Variants in AKAP13 observed in about 807,000 individuals in gnomAD.
The protein encoded by AKAP13 is A-kinase anchoring protein 13, also known as A-kinase anchor protein 13.
In AKAP13, 80 loss-of-function variants were observed where a neutral mutation model predicts 264.5. That is an observed-to-expected ratio of 0.30 (90% confidence interval 0.25 to 0.36). The LOEUF is 0.36. Ranked by LOEUF, AKAP13 falls within the 10% of genes least tolerant of loss-of-function variation. The probability of loss-of-function intolerance (pLI) is 1.00; values close to 1 mark genes in which losing one functional copy is unlikely to be tolerated. For synonymous variants in AKAP13, 1,380 were observed against 1,250.2 expected (o/e 1.10, Z -2.19); for missense variants, 3,712 against 3,435.2 (o/e 1.08, Z -2.01).
intron 14 of AKAP13, among the ~76,000 whole-genome samples, chr15:85,672,464 G>A (rs1361435251): frequency 6.6e-6 from 1 of 152,184 alleles, no homozygotes. Context: ...TATGCCTTAA[G>A]CATCGGGATA....
At chr15:85,620,320 C>T (rs1036418164) in intron 8 of AKAP13, 1 of 714,516 alleles carries the variant, frequency 1.4e-6, no homozygotes, top group Non-Finnish European at 2.3e-6. Flanking sequence ...ATGTAAGCCT[C>T]TTAAAGGAAT....
intron 9 of AKAP13, among the ~76,000 whole-genome samples, chr15:85,644,232 TC>T (rs67293024): frequency 0.63 from 71,069 of 112,588 alleles, 18,460 homozygotes; most frequent in Middle Eastern, 0.74. Context: ...ACTTTTATCT[TC>T]TTTTTTTTTT....
At chr15:85,630,214 G>T (rs2081674490) in intron 8 of AKAP13, among the ~76,000 whole-genome samples, 1 of 13,494 alleles carries the variant, frequency 7.4e-5, no homozygotes. Flanking sequence ...CACACATCAT[G>T]AACTAAGATG....
chr15:85,661,277 T>A (rs1415372849), intron 12 of AKAP13, among the ~76,000 whole-genome samples: 1 of 152,226 alleles, frequency 6.6e-6, no homozygotes, highest in Non-Finnish European at 1.5e-5. Flanking sequence ...TTTCTGTCCT[T>A]GCTACTTGAT....
intron 1 of AKAP13, among the ~76,000 whole-genome samples, chr15:85,463,826 G>A (rs1235831798): frequency 6.6e-6 from 1 of 151,298 alleles, no homozygotes; most frequent in Non-Finnish European, 1.5e-5. Flanking sequence ...TTTTCCCCCT[G>A]GGTGATGTTG....
At chr15:85,661,975 G>A (rs916511497) in intron 12 of AKAP13, among the ~76,000 whole-genome samples, 3 of 151,364 alleles carry the variant, frequency 2.0e-5, no homozygotes. Context: ...CTTTTAAAAA[G>A]TCTAGGATTA....
At chr15:85,417,076 T>G (rs1315544866) in intron 1 of AKAP13, among the ~76,000 whole-genome samples, 2 of 152,240 alleles carry the variant, frequency 1.3e-5, no homozygotes, top group Non-Finnish European at 2.9e-5. Flanking sequence ...GAACAGCTGA[T>G]TTTTTGCATT....
At chr15:85,652,765 GTCCTTGGTGT>G (rs2151511642) in intron 10 of AKAP13, among the ~76,000 whole-genome samples, 1 of 152,274 alleles carries the variant, frequency 6.6e-6, no homozygotes, top group South Asian at 2.1e-4. Flanking sequence ...TGCTTGTTCA[GTCCTTGGTGT>G]TCCTTGGGTT....
chr15:85,676,829 A>G (rs935094355), intron 14 of AKAP13: 2 of 676,942 alleles, frequency 3.0e-6, no homozygotes, highest in Non-Finnish European at 3.6e-6. Context: ...AATGGAGATG[A>G]GAATGTAAAC....
intron 5 of AKAP13, among the ~76,000 whole-genome samples, chr15:85,568,604 G>T (rs1156681345): frequency 1.3e-5 from 2 of 152,190 alleles, no homozygotes; most frequent in African/African-American, 4.8e-5. Flanking sequence ...CACTGTGGTA[G>T]AGTGGAAAGA....
chr15:85,514,396 CTT>C lies in AKAP13; in HGVS notation c.34-7031_34-7030del, dbSNP rs2076539063. Among the ~76,000 whole-genome samples, 2 of 138,238 alleles carry C rather than the reference CTT, an allele frequency of 1.4e-5. 1 individual carries two copies. The highest frequency in any genetic ancestry group is 3.1e-5 in the Non-Finnish European group (2 of 64,704). The allele number at this position is 138,238 out of a possible 152,430, so 90.7% of individuals were successfully genotyped here. A position where few individuals can be genotyped will look rare whatever the true frequency, so the allele number is the denominator to read the frequency against. On this transcript the variant is annotated intron_variant, in intron 2 of 36. Transcript: ENST00000394518. ...TACAGAGGAAGCCACTTGAGTCTGG[CTT>C]CTGTGTCCTTAAGACATGGCCCCAT...
At chr15:85,656,410 A>T (rs1229673318) in intron 11 of AKAP13, among the ~76,000 whole-genome samples, 1 of 152,068 alleles carries the variant, frequency 6.6e-6, no homozygotes, top group South Asian at 2.1e-4. Flanking sequence ...CAGTCCTTCA[A>T]TTTGGAAGCA....
At chr15:85,485,551 C>G (rs1266328071) in intron 1 of AKAP13, among the ~76,000 whole-genome samples, 159 bp from the exon 2 acceptor site, 1 of 152,182 alleles carries the variant, frequency 6.6e-6, no homozygotes, top group Non-Finnish European at 1.5e-5. Flanking sequence ...CGCTTCCTTC[C>G]TAAATCTCTT....
intron 5 of AKAP13, among the ~76,000 whole-genome samples, chr15:85,555,005 C>T (rs547235304): frequency 3.9e-5 from 6 of 152,022 alleles, no homozygotes; most frequent in South Asian, 4.2e-4. Flanking sequence ...ATTATTAAGG[C>T]GAGAGTGGCA....
chr15:85,385,961 G>T (rs2070536884), intron 1 of AKAP13, among the ~76,000 whole-genome samples: 1 of 152,150 alleles, frequency 6.6e-6, no homozygotes, highest in South Asian at 2.1e-4. Context: ...GAGTAGCTGG[G>T]ATTACAGGCA....
intron 5 of AKAP13, among the ~76,000 whole-genome samples, chr15:85,562,691 C>CTTTTTTTTTTT (rs10598092): frequency 3.0e-5 from 3 of 100,516 alleles, no homozygotes; most frequent in African/African-American, 8.2e-5. Context: ...CTTTTCTTTT[C>CTTTTTTTTTTT]TTTTTTTTTT....
At chr15:85,710,072 G>A (rs752818450) in intron 18 of AKAP13, among the ~76,000 whole-genome samples, 1 of 152,118 alleles carries the variant, frequency 6.6e-6, no homozygotes, top group South Asian at 2.1e-4. Context: ...ATCTCTCAAA[G>A]TATTTTTGCT....
intron 8 of AKAP13, among the ~76,000 whole-genome samples, chr15:85,633,877 A>G (rs1420935442): frequency 2.0e-5 from 3 of 152,018 alleles, no homozygotes; most frequent in Non-Finnish European, 4.4e-5. Context: ...TGTTGTTTCA[A>G]TTCTTTGAAA....
chr15:85,556,534 C>T (rs1238926097), intron 5 of AKAP13, among the ~76,000 whole-genome samples: 1 of 152,118 alleles, frequency 6.6e-6, no homozygotes, highest in Non-Finnish European at 1.5e-5. Flanking sequence ...TTTTGCCTTC[C>T]TCCCCCTAGT....
Sources: gnomAD v4.1 joint callset for allele counts (sites outside exome capture counted in the v4.1 genomes callset) on GRCh38, gnomAD v4.1.1 for gene constraint, MANE v1.5 for transcripts, NCBI Gene and HGNC (gene_info 2026-07-23, HGNC 2026-07-21) for gene names.